Variants in SLF1 observed in about 807,000 individuals in gnomAD.
SLF1 encodes SMC5-SMC6 complex localization factor protein 1.
A neutral mutation model predicts 123.0 loss-of-function variants in SLF1; 105 were observed. The observed-to-expected ratio is 0.85, with a 90% CI of 0.73 to 1.00. SLF1 has a LOEUF of 1.00. SLF1 is among the 50% of genes least tolerant of loss of function. The pLI is 0.00. For synonymous variants in SLF1, 434 were observed against 406.6 expected (o/e 1.07, Z -0.81); for missense variants, 1,239 against 1,223.0 (o/e 1.01, Z -0.20).
chr5:94,622,003 A>G (rs1312200203), intron 1 of SLF1, among the ~76,000 whole-genome samples: 1 of 152,186 alleles, frequency 6.6e-6, no homozygotes, highest in Non-Finnish European at 1.5e-5. Flanking sequence ...CAGCTGAATG[A>G]TATTAAACCA....
chr5:94,622,991 A>T (rs1791928172), intron 1 of SLF1, among the ~76,000 whole-genome samples: 1 of 151,914 alleles, frequency 6.6e-6, no homozygotes, highest in Non-Finnish European at 1.5e-5. Context: ...CTCAAACCAG[A>T]CTTTTGTATT....
intron 4 of SLF1, among the ~76,000 whole-genome samples, chr5:94,638,487 T>A (rs1746067919): frequency 6.6e-6 from 1 of 152,168 alleles, no homozygotes. Context: ...CTCCTTGCTT[T>A]GTTTCTATCT....
intron 15 of SLF1, among the ~76,000 whole-genome samples, chr5:94,683,132 A>C (rs145321587): frequency 1.8e-3 from 269 of 152,276 alleles, no homozygotes; most frequent in African/African-American, 5.8e-3. Flanking sequence ...AACTTTAATA[A>C]ATTTCCTTTG....
In SLF1 at chr5:94,678,785, A is replaced by C. The variant is rs775671380; in HGVS notation, c.1828-23A>C. Reference sequence around the variant, plus strand: ...TTCAATATTGTAATATATTTTAGTAATTTTTTTGTATCTTAATGTTAGGTC... The same window carrying C: ...TTCAATATTGTAATATATTTTAGTACTTTTTTTGTATCTTAATGTTAGGTC... On this transcript the variant is annotated intron_variant, in intron 14 of 20. Transcript: ENST00000265140. 4 of 1,584,988 alleles carry C rather than the reference A, an allele frequency of 2.5e-6. No individual in the cohort carries two copies. In the Admixed American group the frequency reaches 6.8e-5, roughly 27 times the overall value.
At chr5:94,688,125 C>G (rs1752665320) in intron 16 of SLF1, among the ~76,000 whole-genome samples, 1 of 149,774 alleles carries the variant, frequency 6.7e-6, no homozygotes, top group Non-Finnish European at 1.5e-5. Flanking sequence ...TGAAGAAAGA[C>G]TTGTTTTCTG....
chr5:94,620,394 A>G (rs941924425), intron 1 of SLF1, among the ~76,000 whole-genome samples: 2 of 152,372 alleles, frequency 1.3e-5, no homozygotes, highest in East Asian at 1.9e-4. Flanking sequence ...CGTGAAAGTC[A>G]TTGAAAAGAT....
intron 15 of SLF1, among the ~76,000 whole-genome samples, chr5:94,685,840 A>AG (rs1561474755): frequency 1.3e-5 from 2 of 152,094 alleles, no homozygotes; most frequent in African/African-American, 4.8e-5. Context: ...TCTCAAAAAA[A>AG]AAAAAAAAAT....
chr5:94,652,410 T>G (rs1303532482), intron 7 of SLF1, among the ~76,000 whole-genome samples: 2 of 152,222 alleles, frequency 1.3e-5, no homozygotes, highest in Admixed American at 1.3e-4. Context: ...CATTATAGTT[T>G]TAACAGCTGT....
chr5:94,654,543 T>C (rs1382887467), intron 8 of SLF1, 87 bp from the exon 9 acceptor site: 5 of 1,023,568 alleles, frequency 4.9e-6, no homozygotes, highest in Non-Finnish European at 6.6e-6. Flanking sequence ...ATGAATGTGT[T>C]CCTCTTATAT....
chr5:94,663,274 C>G (rs934450797), intron 10 of SLF1, among the ~76,000 whole-genome samples: 1 of 152,176 alleles, frequency 6.6e-6, no homozygotes, highest in African/African-American at 2.4e-5. Context: ...TCATACATAT[C>G]ATCCTCTTTG....
At position 94,639,434 on chromosome 5, in the gene SLF1, A is replaced by G. The variant is rs370381406; in HGVS notation, c.432-3839A>G. Among the ~76,000 whole-genome samples, 4 of 151,458 alleles carry G rather than the reference A, an allele frequency of 2.6e-5. No homozygotes were observed. In the South Asian group the frequency reaches 8.4e-4, roughly 32 times the overall value. On this transcript the variant is annotated intron_variant, in intron 4 of 20. Transcript: ENST00000265140. Reference sequence around the variant, plus strand: ...TGGTTTCCTTTAATCTCTGTATTAGATCTCTTTTTTTAATGGTTGCTGTAA... The same window carrying G: ...TGGTTTCCTTTAATCTCTGTATTAGGTCTCTTTTTTTAATGGTTGCTGTAA...
intron 14 of SLF1, among the ~76,000 whole-genome samples, chr5:94,673,548 G>A (rs1216118245): frequency 1.3e-5 from 2 of 152,018 alleles, no homozygotes; most frequent in Non-Finnish European, 2.9e-5. Context: ...TAAAACAGAT[G>A]TAGTGGTGTG....
At chr5:94,656,949 A>T (rs150714359) in intron 9 of SLF1, among the ~76,000 whole-genome samples, 3 of 149,388 alleles carry the variant, frequency 2.0e-5, no homozygotes. Flanking sequence ...CATTGATCTT[A>T]TGTGTTTTTA....
At chr5:94,619,916 T>G (rs1209238387) in intron 1 of SLF1, 2 of 152,254 alleles carry the variant, frequency 1.3e-5, no homozygotes, top group Non-Finnish European at 2.9e-5. Context: ...AGAGCCTTGC[T>G]CTGTTGCCCA....
chr5:94,656,257 T>C (rs1748366199), intron 9 of SLF1, among the ~76,000 whole-genome samples: 1 of 152,026 alleles, frequency 6.6e-6, no homozygotes, highest in Non-Finnish European at 1.5e-5. Context: ...TTGTGTATGT[T>C]GAACCATCCT....
In SLF1 at chr5:94,643,435, G is replaced by C. The variant is rs1746664256; in HGVS notation, c.594G>C (p.Glu198Asp). The stretch of plus-strand genomic sequence containing the variant: ...AGTATCTAGGGGATTTTCTTTTAGA[G>C]GTAAGTAAAATAAATAGTAAACATT... ...PIQYLGDFLLEKEIQNDEDSQ... is the reference protein window; with the variant it reads ...PIQYLGDFLLDKEIQNDEDSQ... The change falls in exon 5 of 21, where the codon GAG becomes GAC. Residue 198 changes from glutamate to aspartate, a missense_variant and splice_region_variant. Physicochemically the swap from Glu to Asp is conservative, Grantham distance 45. Transcript: ENST00000265140. The C allele has an allele frequency of 7.0e-7, 1 of 1,428,740 alleles. No individual in the cohort carries two copies. Among genetic ancestry groups the C allele is most frequent in the East Asian group, 2.6e-5 (1 of 38,244 alleles). The allele number at this position is 1,428,740 out of a possible 1,614,324, so 88.5% of individuals were successfully genotyped here.
At chr5:94,682,979 T>C (rs187496290) in intron 15 of SLF1, among the ~76,000 whole-genome samples, 243 of 152,338 alleles carry the variant, frequency 1.6e-3, no homozygotes, top group African/African-American at 5.5e-3. Context: ...ATGGCTGTGT[T>C]CCAGTAAAAC....
intron 9 of SLF1, among the ~76,000 whole-genome samples, chr5:94,661,726 G>A (rs1264412870): frequency 6.6e-6 from 1 of 151,948 alleles, no homozygotes; most frequent in South Asian, 2.1e-4. Flanking sequence ...TAATAGAGAC[G>A]GGGTTTTGCC....
chr5:94,661,013 T>C (rs773173486), intron 9 of SLF1, among the ~76,000 whole-genome samples: 4 of 152,080 alleles, frequency 2.6e-5, no homozygotes, highest in Non-Finnish European at 4.4e-5. Flanking sequence ...GACAGGAATA[T>C]CAGTGGGGCT....
Sources: gnomAD v4.1 joint callset for allele counts (sites outside exome capture counted in the v4.1 genomes callset) on GRCh38, gnomAD v4.1.1 for gene constraint, MANE v1.5 for transcripts, NCBI Gene and HGNC (gene_info 2026-07-23, HGNC 2026-07-21) for gene names.